CFAP20DC: variants seen among roughly 807,000 people sequenced by gnomAD.
CFAP20DC encodes the protein CFAP20 domain containing.
A neutral mutation model predicts 101.7 loss-of-function variants in CFAP20DC; 84 were observed. The ratio of observed to expected loss-of-function variants is 0.83; its 90% confidence interval spans 0.69 to 0.99. The LOEUF (loss-of-function observed/expected upper bound fraction) is 0.99, where lower values mean the gene tolerates loss of function less well. Among genes scored for constraint, CFAP20DC ranks in the 50% least tolerant of loss-of-function variants. CFAP20DC has a pLI of 0.00. For synonymous variants in CFAP20DC, 359 were observed against 351.2 expected (o/e 1.02, Z -0.25); for missense variants, 1,007 against 970.3 (o/e 1.04, Z -0.50).
In CFAP20DC at chr3:58,745,851, A is replaced by G. The variant is rs542367996; in HGVS notation, c.2333-3279T>C. Among the ~76,000 whole-genome samples the G allele has an allele frequency of 9.9e-5, 15 of 152,260 alleles. No homozygotes were observed. In the South Asian group the frequency reaches 2.9e-3, roughly 29 times the overall value. ...ATTTCTACCATATCACAGCTGTGGG[A>G]TATTGGGAAATTCACTGCTCTGAGC... On this transcript the variant is annotated intron_variant, in intron 16 of 16. Coordinates refer to ENST00000482387, the MANE Select transcript of CFAP20DC (RefSeq NM_001394063.1).
intron 4 of CFAP20DC, among the ~76,000 whole-genome samples, chr3:59,025,836 TTTTTC>T (rs1003605004): frequency 4.6e-4 from 70 of 152,300 alleles, no homozygotes; most frequent in African/African-American, 1.3e-3. Context: ...ATATGTGCAT[TTTTTC>T]TTTTCTTTTC....
rs1241093498 is a variant in CFAP20DC at position 59,046,287 on chromosome 3, G to A, written c.147C>T (p.Val49=). Residue 49 remains valine, a synonymous_variant, in exon 3 of 17, where the codon GTC becomes GTT. Transcript: ENST00000482387. ...FDKEVKSFVF[V]LEGSSQTNKI... is the part of the protein sequence containing the mutation. ...TGTTTGTTTGGCTGCTGCCTTCCAG[G>A]ACAAACACAAAACTTTTAACTTCTT... is the stretch of plus-strand genomic sequence containing the variant. 1.3e-6 allele frequency: 2 copies of A among 1,531,138 alleles called. No homozygotes were observed. The highest frequency in any genetic ancestry group is 2.0e-5 in the Admixed American group (1 of 50,352). 94.8% of individuals were successfully genotyped at this position (1,531,138 alleles called of 1,614,324 possible).
chr3:59,043,941 T>A (rs891233215), intron 3 of CFAP20DC, among the ~76,000 whole-genome samples: 7 of 152,268 alleles, frequency 4.6e-5, no homozygotes, highest in Non-Finnish European at 1.0e-4. Context: ...GGCACTGAGT[T>A]AAGGGTACAA....
chr3:58,947,909 A>G (rs1346677629), intron 4 of CFAP20DC, among the ~76,000 whole-genome samples: 1 of 152,236 alleles, frequency 6.6e-6, no homozygotes, highest in East Asian at 1.9e-4. Flanking sequence ...AGAACAGCCT[A>G]CAGAATGGAC....
At chr3:58,887,388 G>C (rs1391659681) in intron 6 of CFAP20DC, 1 of 152,122 alleles carries the variant, frequency 6.6e-6, no homozygotes, top group East Asian at 1.9e-4. Flanking sequence ...AGAAGATGAA[G>C]AGAATTCTGG....
At chr3:58,881,984 A>C (rs1442733422) in intron 7 of CFAP20DC, among the ~76,000 whole-genome samples, 1 of 152,184 alleles carries the variant, frequency 6.6e-6, no homozygotes, top group Non-Finnish European at 1.5e-5. Flanking sequence ...GCAATTGAAA[A>C]GTATTTACAG....
intron 2 of CFAP20DC, among the ~76,000 whole-genome samples, chr3:59,046,963 T>C (rs1467765681): frequency 6.6e-6 from 1 of 152,100 alleles, no homozygotes; most frequent in Non-Finnish European, 1.5e-5. Flanking sequence ...ATGGAGTACA[T>C]AGAAGGGTTA....
intron 4 of CFAP20DC, among the ~76,000 whole-genome samples, chr3:58,961,554 A>AAAAAAC (rs1251565736): frequency 1.1e-4 from 15 of 135,490 alleles, no homozygotes; most frequent in African/African-American, 4.0e-4. Context: ...GACTGTCTCA[A>AAAAAAC]AAAAACAAAA....
intron 4 of CFAP20DC, among the ~76,000 whole-genome samples, chr3:58,980,635 G>T (rs1238037378): frequency 6.6e-6 from 1 of 152,112 alleles, no homozygotes; most frequent in Non-Finnish European, 1.5e-5. Flanking sequence ...TGCAGAAAAG[G>T]CCTTTGACAA....
At position 58,863,083 on chromosome 3, in the gene CFAP20DC, A is replaced by C. The variant is rs1384314763; in HGVS notation, c.1593+475T>G. 2.5e-5 allele frequency: 25 copies of C among 995,736 alleles called. No individual in the cohort carries two copies. The highest frequency in any genetic ancestry group is 3.0e-5 in the Non-Finnish European group (25 of 837,344). The allele number at this position is 995,736 out of a possible 1,614,324, so 61.7% of individuals were successfully genotyped here. A position where few individuals can be genotyped will look rare whatever the true frequency, so the allele number is the denominator to read the frequency against. On this transcript the variant is annotated intron_variant, in intron 12 of 16. Transcript: ENST00000482387. The surrounding 1 kb of genome is among the most constrained non-coding windows in gnomAD (Gnocchi z 5.9). ...TAAACTTTAATTGGCACAACTCTTC[A>C]AATTCTGGGACCATATGGAAAATAA...
rs566108874 is a variant in CFAP20DC at position 58,945,367 on chromosome 3, G to GT, written c.279-7606dup. Among the ~76,000 whole-genome samples the GT allele has an allele frequency of 3.5e-4, 54 of 152,282 alleles. 3 individuals are homozygous for GT. The South Asian group carries it at 0.011, about 32-fold the overall frequency. On this transcript the variant is annotated intron_variant, in intron 4 of 16. Transcript: ENST00000482387. ...GGCTAAGATGCCTACCCTACACTGTGTTTGAATGGACACAGTTCATGTTTA... is the reference window on the plus strand; with the variant it reads ...GGCTAAGATGCCTACCCTACACTGTGTTTTGAATGGACACAGTTCATGTTTA...
At chr3:59,011,054 C>T (rs1559986995) in intron 4 of CFAP20DC, among the ~76,000 whole-genome samples, 2 of 152,092 alleles carry the variant, frequency 1.3e-5, no homozygotes, top group Non-Finnish European at 2.9e-5. Flanking sequence ...TGGGATACAA[C>T]AAAAGTGGTC....
In CFAP20DC at chr3:58,722,955, C is replaced by T. The variant is rs955876800; in HGVS notation, c.198-5327G>A. Among the ~76,000 whole-genome samples, 20 of 152,242 alleles carry T rather than the reference C, an allele frequency of 1.3e-4. No individual in the cohort carries two copies. Among genetic ancestry groups the T allele is most frequent in the Admixed American group, 3.9e-4 (6 of 15,284 alleles). On this transcript the variant is annotated intron_variant, in intron 3 of 3. Coordinates refer to the CFAP20DC transcript ENST00000486145. The surrounding 1 kb of genome is among the most constrained non-coding windows in gnomAD (Gnocchi z 4.5). ...CATGCAGCTGCCACATTCATGAGCACATGATCAGGTTTCTCAAACAGTCGA... is the reference window on the plus strand; with the variant it reads ...CATGCAGCTGCCACATTCATGAGCATATGATCAGGTTTCTCAAACAGTCGA...
chr3:59,046,358 AT>A, intron 2 of CFAP20DC, 36 bp from the exon 3 acceptor site: 3 of 1,296,104 alleles, frequency 2.3e-6, no homozygotes, highest in Non-Finnish European at 3.1e-6. Context: ...TTATCACAGG[AT>A]ATTTTATTTG....
intron 5 of CFAP20DC, among the ~76,000 whole-genome samples, chr3:58,923,098 G>A (rs977937448): frequency 2.0e-5 from 3 of 152,016 alleles, no homozygotes; most frequent in Non-Finnish European, 4.4e-5. Flanking sequence ...GTAGAGATGG[G>A]GTTTCGCCAT....
At chr3:58,753,415 C>T (rs1228848100) in intron 16 of CFAP20DC, among the ~76,000 whole-genome samples, 1 of 152,078 alleles carries the variant, frequency 6.6e-6, no homozygotes, top group South Asian at 2.1e-4. Context: ...AACTATTATT[C>T]GTGTTATTTT....
chr3:58,726,456 A>G (rs1480528438), intron 3 of CFAP20DC: 1 of 154,162 alleles, frequency 6.5e-6, no homozygotes, highest in African/African-American at 2.4e-5. Context: ...CAGAAGGAAT[A>G]AAGTGTTCTG....
intron 15 of CFAP20DC, among the ~76,000 whole-genome samples, chr3:58,762,415 T>A (rs1393115744): frequency 6.6e-6 from 1 of 152,224 alleles, no homozygotes; most frequent in African/African-American, 2.4e-5. Context: ...TCCTTTTATT[T>A]TGAGCCTGTG....
intron 14 of CFAP20DC, among the ~76,000 whole-genome samples, chr3:58,807,689 C>A (rs1330607341): frequency 6.6e-6 from 1 of 152,210 alleles, no homozygotes. Flanking sequence ...CGCAGTTCCT[C>A]AGCAACGGAA....
Sources: gnomAD v4.1 joint callset for allele counts (sites outside exome capture counted in the v4.1 genomes callset) on GRCh38, gnomAD v4.1.1 for gene constraint, Gnocchi (gnomAD v3.1) non-coding constraint, MANE v1.5 for transcripts, NCBI Gene and HGNC (gene_info 2026-07-23, HGNC 2026-07-21) for gene names.